The following PPARGC1A variants were observed in gnomAD, a reference collection of about 807,000 sequenced individuals.
PPARGC1A encodes the protein peroxisome proliferator-activated receptor gamma coactivator 1-alpha.
In PPARGC1A, 25 loss-of-function variants were observed where a neutral mutation model predicts 88.7. The observed-to-expected ratio is 0.28, with a 90% confidence interval of 0.21 to 0.39. The LOEUF (loss-of-function observed/expected upper bound fraction) is 0.39. Among genes scored for constraint, PPARGC1A ranks in the 10% least tolerant of loss-of-function variants. PPARGC1A has a pLI of 1.00. For synonymous variants in PPARGC1A, 363 were observed against 355.6 expected (o/e 1.02, Z -0.24); for missense variants, 880 against 968.7 (o/e 0.91, Z 1.22).
At chr4:24,008,061 C>G in the PPARGC1A span, among the ~76,000 whole-genome samples, 1 of 152,132 alleles carries the variant, frequency 6.6e-6, no homozygotes, top group Non-Finnish European at 1.5e-5. Context: ...TGAGAGAGAA[C>G]CGTGAACAAA....
chr4:24,217,603 G>A, the PPARGC1A span, among the ~76,000 whole-genome samples: 4 of 152,096 alleles, frequency 2.6e-5, no homozygotes, highest in African/African-American at 9.7e-5. Context: ...AGGAGTTCAA[G>A]GCCAGCCTGG....
chr4:24,366,519 C>G, the PPARGC1A span, among the ~76,000 whole-genome samples: 5 of 152,154 alleles, frequency 3.3e-5, no homozygotes, highest in Non-Finnish European at 7.4e-5. Context: ...TATTAAACCT[C>G]CCCACAACAC....
the PPARGC1A span, among the ~76,000 whole-genome samples, chr4:24,269,385 A>G: frequency 3.9e-5 from 6 of 152,162 alleles, no homozygotes; most frequent in East Asian, 7.8e-4. Context: ...TATTATCTCT[A>G]TAGAATGAAC....
rs776577409 is a variant in PPARGC1A, at chr4:23,889,909, T to TACA, written c.48_49insTGT (p.Asp16_Ile17insCys). ...CGAGCCCTGCCCCAGCTCACCTCGA[T>TACA]GTCACTCCATACAGACTCAGAGTCC... On this transcript the variant is annotated inframe_insertion, in exon 1 of 13. Coordinates refer to ENST00000264867, the MANE Select transcript of PPARGC1A (RefSeq NM_013261.5). The TACA allele has an allele frequency of 6.2e-7, 1 of 1,613,684 alleles. No individual in the cohort carries two copies. The highest frequency in any genetic ancestry group is 8.5e-7 in the Non-Finnish European group (1 of 1,179,728).
At chr4:24,288,445 C>T in the PPARGC1A span, among the ~76,000 whole-genome samples, 3 of 152,176 alleles carry the variant, frequency 2.0e-5, no homozygotes, top group South Asian at 6.2e-4. Context: ...AACCAATTAT[C>T]AACTAAGGGG....
the PPARGC1A span, among the ~76,000 whole-genome samples, chr4:24,398,910 AATATTAGGAAGAAGATAT>A: frequency 6.6e-6 from 1 of 152,208 alleles, no homozygotes; most frequent in African/African-American, 2.4e-5. Flanking sequence ...CTGTTGTGAA[AATATTAGGAAGAAGATAT>A]TTTCCCCACC....
At chr4:24,273,146 G>C in the PPARGC1A span, among the ~76,000 whole-genome samples, 1 of 152,258 alleles carries the variant, frequency 6.6e-6, no homozygotes, top group East Asian at 1.9e-4. Flanking sequence ...TGGAAATCGA[G>C]AGCAGCTTCT....
chr4:23,999,871 C>T, the PPARGC1A span, among the ~76,000 whole-genome samples: 2 of 152,026 alleles, frequency 1.3e-5, no homozygotes, highest in Non-Finnish European at 2.9e-5. Context: ...AGGACTCCAA[C>T]GTGTAGACCT....
At chr4:24,045,848 A>C in the PPARGC1A span, among the ~76,000 whole-genome samples, 1 of 152,196 alleles carries the variant, frequency 6.6e-6, no homozygotes, top group Non-Finnish European at 1.5e-5. Flanking sequence ...ACAGTCTAAA[A>C]TCAATATAAC....
the PPARGC1A span, among the ~76,000 whole-genome samples, chr4:23,942,195 C>A: frequency 6.6e-6 from 1 of 152,106 alleles, no homozygotes; most frequent in Non-Finnish European, 1.5e-5. Context: ...AAAACTGTAC[C>A]ATCAACATCA....
At chr4:24,111,244 T>C in the PPARGC1A span, among the ~76,000 whole-genome samples, 7 of 152,036 alleles carry the variant, frequency 4.6e-5, no homozygotes, top group East Asian at 9.6e-4. Flanking sequence ...TTCAGTGTTG[T>C]GTATATTGAC....
At chr4:23,857,832 T>TCCCAGGC (rs1730482098) in intron 2 of PPARGC1A, among the ~76,000 whole-genome samples, 1 of 151,776 alleles carries the variant, frequency 6.6e-6, no homozygotes. Flanking sequence ...GCAGTTTAGT[T>TCCCAGGC]CCCAGGCTCC....
At chr4:24,317,130 A>C in the PPARGC1A span, among the ~76,000 whole-genome samples, 1 of 152,174 alleles carries the variant, frequency 6.6e-6, no homozygotes, top group African/African-American at 2.4e-5. Flanking sequence ...AGGTTGGGTA[A>C]GCAGCTCACT....
At chr4:24,208,400 T>A in the PPARGC1A span, among the ~76,000 whole-genome samples, 2 of 152,060 alleles carry the variant, frequency 1.3e-5, no homozygotes, top group Non-Finnish European at 2.9e-5. Context: ...TACTCATTCA[T>A]TGCCCTGGCT....
chr4:24,388,462 A>G, the PPARGC1A span, among the ~76,000 whole-genome samples: 1 of 152,234 alleles, frequency 6.6e-6, no homozygotes, highest in Non-Finnish European at 1.5e-5. Context: ...CAGCCATCCC[A>G]TTACTGGGTA....
At chr4:24,447,233 T>C in the PPARGC1A span, among the ~76,000 whole-genome samples, 1 of 152,102 alleles carries the variant, frequency 6.6e-6, no homozygotes, top group Non-Finnish European at 1.5e-5. Flanking sequence ...ACAACAACAA[T>C]TGACACTTCC....
At chr4:24,211,214 TC>T in the PPARGC1A span, among the ~76,000 whole-genome samples, 70 of 152,182 alleles carry the variant, frequency 4.6e-4, no homozygotes, top group African/African-American at 1.6e-3. Context: ...AATATTATCA[TC>T]CTCTTCTAAA....
chr4:24,441,905 G>A, the PPARGC1A span, among the ~76,000 whole-genome samples: 1 of 152,238 alleles, frequency 6.6e-6, no homozygotes, highest in African/African-American at 2.4e-5. Flanking sequence ...GCAAAATGCA[G>A]CTTGTCCTTA....
At position 23,844,669 on chromosome 4, in the gene PPARGC1A, TATA is replaced by T. The variant is rs1451867362; in HGVS notation, c.235-12921_235-12919del. Among the ~76,000 whole-genome samples, 117 of 103,720 alleles carry T rather than the reference TATA, an allele frequency of 1.1e-3. 4 individuals are homozygous for T. The East Asian group carries it at 0.011, about 10-fold the overall frequency. The allele number at this position is 103,720 out of a possible 152,430, so 68.0% of individuals were successfully genotyped here. A position where few individuals can be genotyped will look rare whatever the true frequency, so the allele number is the denominator to read the frequency against. On this transcript the variant is annotated intron_variant, in intron 2 of 12. Coordinates refer to ENST00000264867, the MANE Select transcript of PPARGC1A (RefSeq NM_013261.5). Reference sequence around the variant, plus strand: ...ATATTATATGATATATATCATATATTATAATAATATATATCATATAATATATGA... The same window carrying T: ...ATATTATATGATATATATCATATATTATAATATATATCATATAATATATGA...
Sources: allele counts gnomAD v4.1 joint callset (sites outside exome capture counted in the v4.1 genomes callset), GRCh38; gene constraint gnomAD v4.1.1; transcripts MANE v1.5; gene names NCBI Gene and HGNC (gene_info 2026-07-23, HGNC 2026-07-21).